The following DLG2 variants were observed in gnomAD, a reference collection of about 807,000 sequenced individuals.
The protein encoded by DLG2 is disks large homolog 2.
A neutral mutation model predicts 132.5 loss-of-function variants in DLG2; 45 were observed. The observed-to-expected ratio is 0.34, with a 90% CI of 0.27 to 0.44. The LOEUF (loss-of-function observed/expected upper bound fraction) is 0.44, where lower values mean the gene tolerates loss of function less well. Ranked by LOEUF, DLG2 falls within the 20% of genes least tolerant of loss-of-function variation. DLG2 has a pLI of 1.00. For synonymous variants in DLG2, 424 were observed against 419.6 expected (o/e 1.01, Z -0.13); for missense variants, 1,045 against 1,196.9 (o/e 0.87, Z 1.87).
intron 7 of DLG2, among the ~76,000 whole-genome samples, chr11:84,254,322 G>T (rs2097431589): frequency 6.6e-6 from 1 of 151,900 alleles, no homozygotes; most frequent in African/African-American, 2.4e-5. Context: ...TAAAACTTTT[G>T]TATGTTTATG....
chr11:84,770,475 G>A (rs1200367524), intron 6 of DLG2, among the ~76,000 whole-genome samples: 1 of 151,820 alleles, frequency 6.6e-6, no homozygotes, highest in Non-Finnish European at 1.5e-5. Flanking sequence ...CTCCGCCCTC[G>A]AGCAGGTCCC....
chr11:83,506,711 A>T (rs563859884), intron 21 of DLG2, among the ~76,000 whole-genome samples: 94 of 152,272 alleles, frequency 6.2e-4, no homozygotes, highest in African/African-American at 2.2e-3. Context: ...TCTTCTGGCA[A>T]AAAAAGGTTC....
At chr11:84,858,259 GGTTTATAGTTGCCCAGAAAA>G (rs1411139672) in intron 6 of DLG2, among the ~76,000 whole-genome samples, 1 of 151,758 alleles carries the variant, frequency 6.6e-6, no homozygotes, top group Non-Finnish European at 1.5e-5. Flanking sequence ...AACAGCAGTA[GGTTTATAGTTGCCCAGAAAA>G]GTCATTCCTA....
intron 24 of DLG2, among the ~76,000 whole-genome samples, chr11:83,470,104 A>G (rs1371734775): frequency 6.6e-6 from 1 of 152,086 alleles, no homozygotes; most frequent in Non-Finnish European, 1.5e-5. Context: ...AACTTCAGAT[A>G]CAGATTTATC....
At chr11:84,211,834 T>G (rs1482680639) in intron 8 of DLG2, among the ~76,000 whole-genome samples, 1 of 152,304 alleles carries the variant, frequency 6.6e-6, no homozygotes, top group East Asian at 1.9e-4. Context: ...TATTCAGACT[T>G]TTTTTGCTGT....
chr11:85,624,376 A>G (rs765985598), intron 2 of DLG2, among the ~76,000 whole-genome samples: 35 of 152,218 alleles, frequency 2.3e-4, no homozygotes, highest in Non-Finnish European at 4.4e-4. Flanking sequence ...CCATCTTATG[A>G]AAATTTCATA....
intron 3 of DLG2, among the ~76,000 whole-genome samples, chr11:85,507,679 T>C (rs1045628987): frequency 3.9e-5 from 6 of 152,180 alleles, no homozygotes; most frequent in African/African-American, 9.7e-5. Context: ...CTGACAATTA[T>C]GTGTCTTGGA....
At chr11:85,383,613 A>C (rs993739338) in intron 3 of DLG2, among the ~76,000 whole-genome samples, 1 of 152,196 alleles carries the variant, frequency 6.6e-6, no homozygotes, top group Non-Finnish European at 1.5e-5. Flanking sequence ...CGGTAAGTAG[A>C]GTGCTCAGTT....
At chr11:85,470,189 T>A (rs1597631158) in intron 3 of DLG2, among the ~76,000 whole-genome samples, 1 of 145,726 alleles carries the variant, frequency 6.9e-6, no homozygotes, top group African/African-American at 2.5e-5. Flanking sequence ...CAGAAAGACA[T>A]GAAAACCAAA....
At chr11:85,020,759 A>C in intron 6 of DLG2, 1 of 677,796 alleles carries the variant, frequency 1.5e-6, no homozygotes, top group Admixed American at 1.8e-5. Context: ...TAAGATTTCT[A>C]AACCCTGCTA....
intron 17 of DLG2, among the ~76,000 whole-genome samples, chr11:83,803,870 T>A (rs2045186851): frequency 6.6e-6 from 1 of 152,114 alleles, no homozygotes; most frequent in Non-Finnish European, 1.5e-5. Flanking sequence ...ATGGAATTAA[T>A]CTTGGTCAAA....
intron 6 of DLG2, among the ~76,000 whole-genome samples, chr11:85,054,030 G>T (rs2063184631): frequency 6.6e-6 from 1 of 152,004 alleles, no homozygotes; most frequent in South Asian, 2.1e-4. Flanking sequence ...GCTTTGGGAG[G>T]CTGAGGCGGG....
intron 6 of DLG2, among the ~76,000 whole-genome samples, chr11:84,942,301 C>T (rs1169493751): frequency 6.6e-6 from 1 of 151,870 alleles, no homozygotes; most frequent in Non-Finnish European, 1.5e-5. Context: ...TTTTCTTGTT[C>T]TTTAAGATGA....
chr11:83,920,118 C>T (rs1459401959), intron 15 of DLG2, among the ~76,000 whole-genome samples: 1 of 152,146 alleles, frequency 6.6e-6, no homozygotes, highest in Non-Finnish European at 1.5e-5. Context: ...GCTTTGGCCG[C>T]TTAGTAGTGG....
intron 5 of DLG2, among the ~76,000 whole-genome samples, chr11:85,143,810 G>A (rs2076656937): frequency 6.6e-6 from 1 of 151,660 alleles, no homozygotes. Flanking sequence ...TAATTTCAAT[G>A]TTTTGAATGT....
intron 10 of DLG2, among the ~76,000 whole-genome samples, chr11:84,062,179 CAG>C (rs1229546557): frequency 6.6e-6 from 1 of 152,166 alleles, no homozygotes; most frequent in African/African-American, 2.4e-5. Flanking sequence ...TAGCCTAAAT[CAG>C]ATGTTCATTC....
intron 19 of DLG2, among the ~76,000 whole-genome samples, chr11:83,582,637 T>C (rs1047962867): frequency 3.3e-5 from 5 of 152,212 alleles, no homozygotes; most frequent in Admixed American, 6.5e-5. Flanking sequence ...GGATTGGTTG[T>C]ATTTGTGGGA....
intron 6 of DLG2, among the ~76,000 whole-genome samples, chr11:84,763,602 G>T (rs894987835): frequency 6.6e-6 from 1 of 151,928 alleles, no homozygotes. Flanking sequence ...TCTATCTGGG[G>T]TCACATAAAC....
At chr11:85,393,340 T>G (rs1316653696) in intron 3 of DLG2, among the ~76,000 whole-genome samples, 1 of 152,176 alleles carries the variant, frequency 6.6e-6, no homozygotes, top group African/African-American at 2.4e-5. Context: ...TTAGCATGGA[T>G]GTGGTGAAAA....
Sources: gnomAD v4.1 joint callset for allele counts (sites outside exome capture counted in the v4.1 genomes callset) on GRCh38, gnomAD v4.1.1 for gene constraint, MANE v1.5 for transcripts, NCBI Gene and HGNC (gene_info 2026-07-23, HGNC 2026-07-21) for gene names.